Variants in WNK1 observed in about 807,000 individuals in gnomAD.
WNK1 encodes the protein serine/threonine-protein kinase WNK1.
WNK1 carries 38 observed loss-of-function variants against 222.8 expected under a neutral mutation model. The observed-to-expected ratio is 0.17, with a 90% confidence interval of 0.13 to 0.22. WNK1 has a LOEUF of 0.22. WNK1 is among the 10% of genes least tolerant of loss of function. The pLI, the probability that WNK1 is intolerant of heterozygous loss-of-function variation, is 1.00. For missense variants in WNK1, 2,348 were observed against 2,918.4 expected, an observed-to-expected ratio of 0.80 and a Z score of 4.50; for synonymous variants, 1,090 against 1,092.9, an observed-to-expected ratio of 1.00 and a Z score of 0.05.
chr12:836,594 A>G (rs918921197), intron 4 of WNK1, among the ~76,000 whole-genome samples: 1 of 152,214 alleles, frequency 6.6e-6, no homozygotes, highest in Non-Finnish European at 1.5e-5. Context: ...TGTGATTGTG[A>G]TATATTCAAG....
At chr12:811,190 T>A (rs759273188) in intron 1 of WNK1, among the ~76,000 whole-genome samples, 3 of 152,182 alleles carry the variant, frequency 2.0e-5, no homozygotes, top group Non-Finnish European at 4.4e-5. Flanking sequence ...TTTGATACGG[T>A]CTTTTAAAAT....
In WNK1 at chr12:859,369, A is replaced by T; in HGVS notation, c.1525A>T (p.Ile509Phe). Residue 509 changes from isoleucine (I) to phenylalanine (F), a missense_variant, in exon 6 of 28, where the codon ATT (isoleucine) becomes TTT (phenylalanine). Ile to Phe is a conservative substitution (Grantham distance 21, BLOSUM62 0). This residue lies in a region of WNK1 where 37 missense variants were observed against 102.8 expected (regional missense o/e 0.36). Coordinates refer to ENST00000315939, the MANE Select transcript of WNK1 (RefSeq NM_018979.4). ...AAAATTATGGCTACGTATTGAAGAT[A>T]TTAAGAAATTAAAGGGAAAATACAA... is the stretch of plus-strand genomic sequence containing the variant. ...AIKLWLRIED[I>F]KKLKGKYKDN... The T allele has an allele frequency of 6.2e-7, 1 of 1,612,280 alleles. No homozygotes were observed. The highest frequency in any genetic ancestry group is 8.5e-7 in the Non-Finnish European group (1 of 1,178,548).
chr12:903,947 A>G (rs1306702295), intron 26 of WNK1, among the ~76,000 whole-genome samples: 1 of 152,220 alleles, frequency 6.6e-6, no homozygotes, highest in African/African-American at 2.4e-5. Flanking sequence ...GTTAGTATAT[A>G]TATGTGGGAT....
Position 880,829 on chromosome 12 carries a change from C to T in WNK1, c.2941C>T (p.Pro981Ser), listed in dbSNP as rs2154081228. ...TTCTACAGTCCTATCCCCTCCCATG[C>T]CGACAGAAGTACTGGCTACACCTGG... ...IHSTVLSPPM[P>S]TEVLATPGYF... Residue 981 changes from proline to serine, a missense_variant, in exon 12 of 28, where the codon CCG (proline) becomes TCG (serine). Physicochemically the swap from Pro to Ser is moderately conservative, Grantham distance 74. Transcript: ENST00000315939. 1 of 1,614,084 alleles carries T rather than the reference C, an allele frequency of 6.2e-7. No homozygotes were observed. The highest frequency in any genetic ancestry group is 1.6e-4 in the Middle Eastern group (1 of 6,062).
At chr12:826,335 AAAGGTCTGTTAG>A (rs898870182) in intron 2 of WNK1, among the ~76,000 whole-genome samples, 1 of 152,222 alleles carries the variant, frequency 6.6e-6, no homozygotes, top group Non-Finnish European at 1.5e-5. Context: ...ATCCTTGCAG[AAAGGTCTGTTAG>A]ACAGCACTGT....
intron 22 of WNK1, among the ~76,000 whole-genome samples, chr12:891,674 C>T (rs1332888793): frequency 6.9e-6 from 1 of 144,834 alleles, no homozygotes; most frequent in Non-Finnish European, 1.5e-5. Flanking sequence ...ATTAAGGCAT[C>T]AGTTCTTGGA....
intron 1 of WNK1, among the ~76,000 whole-genome samples, chr12:755,055 C>T (rs1323856508): frequency 6.6e-6 from 1 of 152,120 alleles, no homozygotes; most frequent in Admixed American, 6.5e-5. Context: ...CTGAACTTTC[C>T]CAAGAGTCCG....
chr12:759,952 G>A (rs1168769679), intron 1 of WNK1, among the ~76,000 whole-genome samples: 2 of 148,134 alleles, frequency 1.4e-5, no homozygotes, highest in African/African-American at 4.9e-5. Flanking sequence ...TTTTTAGGTT[G>A]TCCTTTTGAG....
chr12:812,845 A>AG (rs1230061707), intron 1 of WNK1, among the ~76,000 whole-genome samples: 2 of 152,188 alleles, frequency 1.3e-5, no homozygotes, highest in Non-Finnish European at 2.9e-5. Context: ...AAGAGTTGGA[A>AG]GGGGAAAAAA....
rs1955942384 is a variant in WNK1 at position 909,415 on chromosome 12, A to C, written c.*623A>C. On this transcript the variant is annotated 3_prime_UTR_variant, in exon 28 of 28. Transcript: ENST00000315939. The stretch of plus-strand genomic sequence containing the variant: ...TGCAGCATTAGCAATTAGGAAAAAA[A>C]AAAAATTAAGTTCCCTGCGGACATG... The C allele has an allele frequency of 6.6e-6, 1 of 152,438 alleles. No individual in the cohort carries two copies. The allele number at this position is 152,438 out of a possible 1,614,324, so 9.4% of individuals were successfully genotyped here. A position where few individuals can be genotyped will look rare whatever the true frequency, so the allele number is the denominator to read the frequency against.
intron 9 of WNK1, 148 bp from the exon 10 acceptor site, chr12:878,064 G>A: frequency 1.0e-6 from 1 of 969,152 alleles, no homozygotes; most frequent in Non-Finnish European, 1.6e-6. Context: ...AATATATAAT[G>A]GAAATTGATG....
At chr12:872,828 G>C (rs17800834) in intron 9 of WNK1, among the ~76,000 whole-genome samples, 16,590 of 152,136 alleles carry the variant, frequency 0.11, 1,004 homozygotes, top group South Asian at 0.17. Context: ...GTAGTCATTC[G>C]ATACTGGTTT....
At chr12:766,887 C>T (rs527438450) in intron 1 of WNK1, among the ~76,000 whole-genome samples, 3 of 152,252 alleles carry the variant, frequency 2.0e-5, no homozygotes, top group African/African-American at 7.2e-5. Context: ...AGTGATTCTC[C>T]TGCCTCAGCC....
At chr12:829,183 G>T (rs181513930) in intron 3 of WNK1, among the ~76,000 whole-genome samples, 30 of 152,220 alleles carry the variant, frequency 2.0e-4, no homozygotes, top group Non-Finnish European at 3.8e-4. Context: ...ATAATTTGAG[G>T]TATGCAGACC....
Position 908,782 on chromosome 12 carries a change from G to A in WNK1, c.7139G>A (p.Arg2380Gln), listed in dbSNP as rs531919850. ...SISNPPGSNL[R>Q]TT is the part of the protein sequence containing the mutation. Reference sequence around the variant, plus strand: ...AGCAACCCCCCAGGCTCCAACCTGCGGACCACTTAGACCTAGAGACATTAA... The same window carrying A: ...AGCAACCCCCCAGGCTCCAACCTGCAGACCACTTAGACCTAGAGACATTAA... The change falls in exon 28 of 28, where the codon CGG becomes CAG. Residue 2380 changes from arginine (R) to glutamine (Q), a missense_variant. By Grantham distance (43) the Arg-to-Gln change is conservative (BLOSUM62 1). Coordinates refer to ENST00000315939, the MANE Select transcript of WNK1 (RefSeq NM_018979.4). 8.5e-6 allele frequency: 12 copies of A among 1,405,556 alleles called. No homozygotes were observed. The highest frequency in any genetic ancestry group is 1.0e-5 in the Non-Finnish European group (11 of 1,048,908). 87.1% of individuals were successfully genotyped at this position (1,405,556 alleles called of 1,614,324 possible).
At chr12:868,602 A>G (rs1394948412) in intron 8 of WNK1, 4 of 1,613,898 alleles carry the variant, frequency 2.5e-6, no homozygotes, top group African/African-American at 2.7e-5. Context: ...ACTCATAACA[A>G]TGAGAGCAGA....
chr12:809,628 G>A (rs1043731393), intron 1 of WNK1, among the ~76,000 whole-genome samples: 3 of 152,116 alleles, frequency 2.0e-5, no homozygotes, highest in Non-Finnish European at 4.4e-5. Context: ...GTTTCTAGTT[G>A]TAGTTTTTCC....
chr12:792,516 A>G (rs1591721772), intron 1 of WNK1, among the ~76,000 whole-genome samples: 3 of 151,994 alleles, frequency 2.0e-5, no homozygotes, highest in South Asian at 4.2e-4. Context: ...GGGTTTCACC[A>G]TGTTGGCCAG....
chr12:827,532 G>A lies in WNK1; in HGVS notation c.1153+270G>A, dbSNP rs1038627354. 4.6e-5 allele frequency: 24 copies of A among 521,602 alleles called. No homozygotes were observed. Among genetic ancestry groups the A allele is most frequent in the Non-Finnish European group, 7.5e-5 (22 of 293,194 alleles). The allele number at this position is 521,602 out of a possible 1,614,324, so 32.3% of individuals were successfully genotyped here. On this transcript the variant is annotated intron_variant, in intron 3 of 27. Transcript: ENST00000315939. This position sits in a 1 kb window ranked among gnomAD's most constrained non-coding sequence, Gnocchi z 4.6. ...TGTAATAGCCTTTTTTGTTGTTGTT[G>A]TTGTTGTTGTTGTTGAGATGGAGTC...
Sources: gnomAD v4.1 joint callset for allele counts (sites outside exome capture counted in the v4.1 genomes callset) on GRCh38, gnomAD v4.1.1 for gene constraint, gnomAD v4.1.1 regional missense constraint, Gnocchi (gnomAD v3.1) non-coding constraint, MANE v1.5 for transcripts, NCBI Gene and HGNC (gene_info 2026-07-23, HGNC 2026-07-21) for gene names.